Variants in ARHGAP8 observed in about 807,000 individuals in gnomAD.
ARHGAP8 encodes the protein Rho GTPase activating protein 8.
A neutral mutation model predicts 46.1 loss-of-function variants in ARHGAP8; 62 were observed. That is an observed-to-expected ratio of 1.34 (90% CI 1.10 to 1.66). The LOEUF is 1.66. Ranked by LOEUF, ARHGAP8 falls within the 40% of genes most tolerant of loss-of-function variation. The pLI, the probability that ARHGAP8 is intolerant of heterozygous loss-of-function variation, is 0.00. For synonymous variants in ARHGAP8, 375 were observed against 243.1 expected, an observed-to-expected ratio of 1.54 and a Z score of -5.05; for missense variants, 923 against 568.4, an observed-to-expected ratio of 1.62 and a Z score of -6.34.
chr22:44,851,042 C>T (rs1189762608), intron 10 of ARHGAP8: 1 of 151,684 alleles, frequency 6.6e-6, no homozygotes, highest in Non-Finnish European at 1.5e-5. Context: ...CCACCCAGAG[C>T]TATGTCAAGG....
intron 11 of ARHGAP8, among the ~76,000 whole-genome samples, 169 bp downstream of exon 11, chr22:44,860,003 A>C (rs2070390346): frequency 7.8e-6 from 1 of 127,408 alleles, no homozygotes; most frequent in Non-Finnish European, 1.7e-5. Flanking sequence ...CTGGTCAGGC[A>C]CCCATGCTGC....
intron 7 of ARHGAP8, among the ~76,000 whole-genome samples, chr22:44,838,502 G>T (rs1931439708): frequency 6.6e-6 from 1 of 151,992 alleles, no homozygotes; most frequent in Non-Finnish European, 1.5e-5. Flanking sequence ...CGGAATTCCT[G>T]ACCTCAAGTG....
chr22:44,793,733 C>T (rs540987789), intron 2 of ARHGAP8, among the ~76,000 whole-genome samples: 29 of 152,218 alleles, frequency 1.9e-4, no homozygotes, highest in Middle Eastern at 6.8e-3. Flanking sequence ...TTGTAAACAG[C>T]GAGGGGAGAA....
chr22:44,839,068 A>C (rs1318206900), intron 7 of ARHGAP8, among the ~76,000 whole-genome samples: 3 of 152,092 alleles, frequency 2.0e-5, no homozygotes, highest in Non-Finnish European at 4.4e-5. Flanking sequence ...CTGGCTTCCT[A>C]AGGAACCAGA....
chr22:44,771,727 G>A (rs529100195), intron 1 of ARHGAP8, among the ~76,000 whole-genome samples: 1 of 150,340 alleles, frequency 6.7e-6, no homozygotes, highest in East Asian at 1.9e-4. Context: ...GCTAATTTTT[G>A]TGTTTTTAGT....
chr22:44,842,370 A>G (rs905346772), intron 7 of ARHGAP8, among the ~76,000 whole-genome samples: 2 of 152,050 alleles, frequency 1.3e-5, no homozygotes, highest in Non-Finnish European at 2.9e-5. Context: ...ACAAACAAAC[A>G]AACAAACAAA....
At chr22:44,796,369 G>A (rs1474382894) in intron 2 of ARHGAP8, among the ~76,000 whole-genome samples, 5 of 152,102 alleles carry the variant, frequency 3.3e-5, no homozygotes, top group Non-Finnish European at 5.9e-5. Context: ...AGGGTGGGCC[G>A]ATGCTGTATC....
At chr22:44,792,088 C>T (rs1165427459) in intron 2 of ARHGAP8, among the ~76,000 whole-genome samples, 16 of 151,704 alleles carry the variant, frequency 1.1e-4, no homozygotes, top group Non-Finnish European at 1.5e-5. Context: ...TCTCAGCTCA[C>T]TGCAACCTCC....
chr22:44,799,982 G>A (rs1285203755), intron 2 of ARHGAP8, among the ~76,000 whole-genome samples: 2 of 104,672 alleles, frequency 1.9e-5, no homozygotes, highest in Non-Finnish European at 4.0e-5. Context: ...CTTGTGGGGT[G>A]GGGCAAGGTG....
chr22:44,861,751 C>T (rs565675738), intron 11 of ARHGAP8, among the ~76,000 whole-genome samples: 1 of 152,316 alleles, frequency 6.6e-6, no homozygotes, highest in South Asian at 2.1e-4. Context: ...CCAGATTCCT[C>T]ATCTGTAAGA....
chr22:44,827,336 G>GTTTTTTTTTTTTTTTTTTTT lies in ARHGAP8; in HGVS notation c.596+1750_596+1769dup, dbSNP rs796490147. On this transcript the variant is annotated intron_variant, in intron 7 of 11. Coordinates refer to ENST00000356099, the MANE Select transcript of ARHGAP8 (RefSeq NM_181335.3). Reference sequence around the variant, plus strand: ...GGTGAGATAATACATTTGGGTGGTGGTTTTTTTTTTTTTTTTTTTTTTTTT... The same window carrying GTTTTTTTTTTTTTTTTTTTT: ...GGTGAGATAATACATTTGGGTGGTGGTTTTTTTTTTTTTTTTTTTTTTTTTTTTTTTTTTTTTTTTTTTTT... Among the ~76,000 whole-genome samples the GTTTTTTTTTTTTTTTTTTTT allele has an allele frequency of 4.2e-4, 28 of 67,268 alleles. 4 individuals carry two copies. The highest frequency in any genetic ancestry group is 5.1e-4 in the Non-Finnish European group (20 of 38,954). The allele number at this position is 67,268 out of a possible 152,430, so 44.1% of individuals were successfully genotyped here.
intron 10 of ARHGAP8, among the ~76,000 whole-genome samples, chr22:44,857,893 G>A (rs71328677): frequency 0.082 from 12,362 of 151,498 alleles, 758 homozygotes; most frequent in East Asian, 0.26. Context: ...CGGTTGTGAC[G>A]CTCAGCTCAC....
intron 1 of ARHGAP8, among the ~76,000 whole-genome samples, chr22:44,770,749 T>G (rs1480195785): frequency 6.6e-6 from 1 of 152,174 alleles, no homozygotes; most frequent in Non-Finnish European, 1.5e-5. Context: ...TGGGAGTAAT[T>G]GGGGAAGATA....
chr22:44,860,662 C>G (rs924676228), intron 11 of ARHGAP8, among the ~76,000 whole-genome samples: 4 of 152,032 alleles, frequency 2.6e-5, no homozygotes, highest in Non-Finnish European at 4.4e-5. Flanking sequence ...AGCAAATGAC[C>G]AGAGAGAGAG....
chr22:44,800,065 T>C (rs569448337), intron 2 of ARHGAP8, among the ~76,000 whole-genome samples: 6 of 148,996 alleles, frequency 4.0e-5, no homozygotes, highest in African/African-American at 1.5e-4. Context: ...TGGAGGATGG[T>C]CTGCAGGGCC....
At chr22:44,822,276 A>G (rs761774425) in intron 5 of ARHGAP8, 95 bp from the exon 6 acceptor site, 26 of 1,025,308 alleles carry the variant, frequency 2.5e-5, no homozygotes, top group South Asian at 9.4e-5. Flanking sequence ...AAATGCCTGC[A>G]TTGTTCTGCC....
chr22:44,853,279 C>CT (rs1302124302), intron 10 of ARHGAP8, among the ~76,000 whole-genome samples: 2 of 152,158 alleles, frequency 1.3e-5, no homozygotes, highest in African/African-American at 4.8e-5. Flanking sequence ...TCTGAGCAGA[C>CT]TGAGTAGGAG....
At chr22:44,764,551 G>A (rs1449983820) in intron 1 of ARHGAP8, among the ~76,000 whole-genome samples, 1 of 152,236 alleles carries the variant, frequency 6.6e-6, no homozygotes, top group African/African-American at 2.4e-5. Context: ...CAGGTTCTCT[G>A]CTGGAGCCGA....
intron 11 of ARHGAP8, 113 bp from the exon 12 acceptor site, chr22:44,862,162 A>T: frequency 7.7e-7 from 1 of 1,298,694 alleles, no homozygotes; most frequent in Non-Finnish European, 1.0e-6. Flanking sequence ...GCCGGCTCCC[A>T]GTCCAGTGCT....
Sources: gnomAD v4.1 joint callset for allele counts (sites outside exome capture counted in the v4.1 genomes callset) on GRCh38, gnomAD v4.1.1 for gene constraint, MANE v1.5 for transcripts, NCBI Gene and HGNC (gene_info 2026-07-23, HGNC 2026-07-21) for gene names.